Variants in NKAIN2 observed in about 807,000 individuals in gnomAD.
NKAIN2 encodes the protein sodium/potassium-transporting ATPase subunit beta-1-interacting protein 2.
NKAIN2 carries 14 observed loss-of-function variants against 32.6 expected under a neutral mutation model. The ratio of observed to expected loss-of-function variants is 0.43; its 90% CI spans 0.28 to 0.67. The LOEUF (loss-of-function observed/expected upper bound fraction) is 0.67, where lower values mean the gene tolerates loss of function less well. NKAIN2 is among the 30% of genes least tolerant of loss of function. NKAIN2 has a pLI of 0.17. For missense variants in NKAIN2, 198 were observed against 258.3 expected, an observed-to-expected ratio of 0.77 and a Z score of 1.60; for synonymous variants, 80 against 87.2, an observed-to-expected ratio of 0.92 and a Z score of 0.46.
intron 1 of NKAIN2, among the ~76,000 whole-genome samples, chr6:123,834,354 C>T (rs908208912): frequency 6.6e-6 from 1 of 151,812 alleles, no homozygotes; most frequent in African/African-American, 2.4e-5. Context: ...GGGGTTTCAC[C>T]ATGTTGGCCA....
intron 2 of NKAIN2, among the ~76,000 whole-genome samples, chr6:124,347,936 C>G (rs1033834667): frequency 9.2e-5 from 14 of 152,198 alleles, no homozygotes; most frequent in African/African-American, 3.4e-4. Flanking sequence ...TCCAGTTTTT[C>G]TGCTCTGTTT....
chr6:124,563,616 A>G (rs879904615), intron 3 of NKAIN2, among the ~76,000 whole-genome samples: 17 of 152,182 alleles, frequency 1.1e-4, no homozygotes, highest in African/African-American at 3.6e-4. Flanking sequence ...GGAAAGCAGC[A>G]AACAACTGTC....
At chr6:124,386,067 C>A (rs1156506466) in intron 3 of NKAIN2, among the ~76,000 whole-genome samples, 1 of 151,842 alleles carries the variant, frequency 6.6e-6, no homozygotes, top group Non-Finnish European at 1.5e-5. Flanking sequence ...AAATGGGTGT[C>A]CTTTAAAGAT....
chr6:124,797,851 A>G (rs1461140458), intron 5 of NKAIN2, among the ~76,000 whole-genome samples: 2 of 152,110 alleles, frequency 1.3e-5, no homozygotes, highest in African/African-American at 2.4e-5. Flanking sequence ...TGAAAAAAAT[A>G]TTTGTTTCTT....
At chr6:124,226,817 GA>G (rs1436249290) in intron 1 of NKAIN2, among the ~76,000 whole-genome samples, 4 of 152,004 alleles carry the variant, frequency 2.6e-5, no homozygotes, top group Non-Finnish European at 1.5e-5. Context: ...AAGATTTTAG[GA>G]GGTGTTTAGG....
At chr6:124,066,373 C>T (rs1021278964) in intron 1 of NKAIN2, among the ~76,000 whole-genome samples, 4 of 152,164 alleles carry the variant, frequency 2.6e-5, no homozygotes, top group Non-Finnish European at 5.9e-5. Context: ...TGTGTCTCTT[C>T]TCCTTTTCTG....
intron 3 of NKAIN2, among the ~76,000 whole-genome samples, chr6:124,574,113 G>A (rs1327788571): frequency 2.6e-5 from 4 of 152,244 alleles, no homozygotes; most frequent in East Asian, 3.9e-4. Context: ...TGTTGGACTC[G>A]CAGTGGCATG....
chr6:124,574,085 G>C (rs544736357), intron 3 of NKAIN2, among the ~76,000 whole-genome samples: 130 of 152,238 alleles, frequency 8.5e-4, no homozygotes, highest in African/African-American at 3.1e-3. Flanking sequence ...AAAAGAAGTG[G>C]AAAAAGCAAG....
chr6:124,712,597 C>T (rs1403769968), intron 4 of NKAIN2, among the ~76,000 whole-genome samples: 4 of 147,010 alleles, frequency 2.7e-5, no homozygotes, highest in Non-Finnish European at 6.0e-5. Flanking sequence ...GCGTCCGTCA[C>T]CCCTTTCTTT....
chr6:124,501,482 T>G (rs1237291332), intron 3 of NKAIN2, among the ~76,000 whole-genome samples: 1 of 152,188 alleles, frequency 6.6e-6, no homozygotes, highest in African/African-American at 2.4e-5. Flanking sequence ...GCGGTGTTAA[T>G]GGATTTTGTA....
intron 2 of NKAIN2, among the ~76,000 whole-genome samples, chr6:124,325,979 A>G (rs1234813714): frequency 1.3e-5 from 2 of 151,986 alleles, no homozygotes; most frequent in Admixed American, 6.6e-5. Flanking sequence ...TAGAGTTTAT[A>G]TATTTTTGGT....
intron 1 of NKAIN2, among the ~76,000 whole-genome samples, chr6:123,825,553 G>A (rs1035790414): frequency 1.3e-5 from 2 of 152,018 alleles, no homozygotes; most frequent in African/African-American, 4.8e-5. Flanking sequence ...GCCAGCAAAT[G>A]GATAATTTAC....
chr6:124,092,150 A>G (rs1190472508), intron 1 of NKAIN2, among the ~76,000 whole-genome samples: 1 of 152,072 alleles, frequency 6.6e-6, no homozygotes, highest in African/African-American at 2.4e-5. Context: ...TTGTTTTCCT[A>G]TCATACACAG....
intron 4 of NKAIN2, among the ~76,000 whole-genome samples, chr6:124,669,547 C>T (rs753189456): frequency 2.0e-5 from 3 of 151,918 alleles, no homozygotes; most frequent in South Asian, 2.1e-4. Context: ...TGGATATTTG[C>T]GGAAGGAGTA....
intron 3 of NKAIN2, among the ~76,000 whole-genome samples, chr6:124,461,602 C>T (rs952880490): frequency 1.4e-4 from 21 of 151,640 alleles, no homozygotes; most frequent in African/African-American, 5.1e-4. Context: ...ATTATATATA[C>T]ATATTAAAAC....
chr6:123,815,477 TC>T (rs1214679627), intron 1 of NKAIN2, among the ~76,000 whole-genome samples: 1 of 152,182 alleles, frequency 6.6e-6, no homozygotes, highest in African/African-American at 2.4e-5. Flanking sequence ...GTTAATATTG[TC>T]TTTATTTTTC....
chr6:124,343,711 A>G (rs1361472045), intron 2 of NKAIN2, among the ~76,000 whole-genome samples: 2 of 148,980 alleles, frequency 1.3e-5, no homozygotes, highest in South Asian at 2.2e-4. Context: ...GTTTGAGTTC[A>G]TTGTAGATTC....
chr6:124,658,958 T>TAAA lies in NKAIN2; in HGVS notation c.474+585_474+587dup, dbSNP rs10685886. 520 of 114,374 alleles carry TAAA rather than the reference T, an allele frequency of 4.5e-3. 8 individuals carry two copies. Among genetic ancestry groups the TAAA allele is most frequent in the South Asian group, 0.028 (106 of 3,730 alleles). 7.1% of individuals were successfully genotyped at this position (114,374 alleles called of 1,614,324 possible). ...CCCATTTTTCATAGTACTGTAACAA[T>TAAA]AAAAAAAAAAAAAAACCTCCTTCTA... is the stretch of plus-strand genomic sequence containing the variant. On this transcript the variant is annotated intron_variant, in intron 4 of 6. Coordinates refer to ENST00000368417, the MANE Select transcript of NKAIN2 (RefSeq NM_001040214.3).
chr6:124,278,939 A>G (rs1795167261), intron 1 of NKAIN2, among the ~76,000 whole-genome samples: 1 of 152,040 alleles, frequency 6.6e-6, no homozygotes, highest in African/African-American at 2.4e-5. Context: ...ATAATGAGGT[A>G]GATCTATTAA....
Sources: allele counts gnomAD v4.1 joint callset (sites outside exome capture counted in the v4.1 genomes callset), GRCh38; gene constraint gnomAD v4.1.1; transcripts MANE v1.5; gene names NCBI Gene and HGNC (gene_info 2026-07-23, HGNC 2026-07-21).